The following GARNL3 variants were observed in gnomAD, a reference collection of about 807,000 sequenced individuals.
The protein encoded by GARNL3 is GTPase-activating Rap/Ran-GAP domain-like protein 3.
In GARNL3, 63 loss-of-function variants were observed where a neutral mutation model predicts 125.0. The observed-to-expected ratio is 0.50, with a 90% confidence interval of 0.41 to 0.62. The LOEUF (loss-of-function observed/expected upper bound fraction) is 0.62, where lower values mean the gene tolerates loss of function less well. Among genes scored for constraint, GARNL3 ranks in the 20% least tolerant of loss-of-function variants. The probability of loss-of-function intolerance (pLI) is 0.00; values close to 1 mark genes in which losing one functional copy is unlikely to be tolerated. For synonymous variants in GARNL3, 439 were observed against 457.5 expected (o/e 0.96, Z 0.52); for missense variants, 994 against 1,244.0 (o/e 0.80, Z 3.02).
At chr9:127,329,645 A>G (rs547628753) in intron 7 of GARNL3, among the ~76,000 whole-genome samples, 45 of 152,170 alleles carry the variant, frequency 3.0e-4, no homozygotes, top group Non-Finnish European at 5.3e-4. Context: ...ATCAGGTGGT[A>G]GTAGGCCCCA....
At chr9:127,279,291 G>T (rs1274843841) in intron 1 of GARNL3, among the ~76,000 whole-genome samples, 3 of 151,128 alleles carry the variant, frequency 2.0e-5, no homozygotes, top group Non-Finnish European at 4.4e-5. Flanking sequence ...TGCACCTCTG[G>T]GATTCTTAGA....
intron 9 of GARNL3, among the ~76,000 whole-genome samples, chr9:127,333,603 T>C (rs889939385): frequency 3.9e-5 from 6 of 152,032 alleles, no homozygotes; most frequent in Non-Finnish European, 7.4e-5. Context: ...CTGAGCTTTT[T>C]TGAGGCCAGA....
At chr9:127,252,838 GT>G (rs1289957367) in intron 2 of GARNL3, among the ~76,000 whole-genome samples, 2 of 152,112 alleles carry the variant, frequency 1.3e-5, no homozygotes, top group African/African-American at 2.4e-5. Context: ...TAATGTTATG[GT>G]GTCAGTCAGT....
At chr9:127,289,811 C>T (rs563788950) in intron 1 of GARNL3, among the ~76,000 whole-genome samples, 1 of 152,344 alleles carries the variant, frequency 6.6e-6, no homozygotes, top group African/African-American at 2.4e-5. Context: ...ACTACACAGC[C>T]TCTTGGGCTC....
At chr9:127,245,861 T>C (rs2063292910) in intron 2 of GARNL3, among the ~76,000 whole-genome samples, 1 of 152,142 alleles carries the variant, frequency 6.6e-6, no homozygotes, top group East Asian at 1.9e-4. Flanking sequence ...CTTCGGTCTG[T>C]CTGGTCCAGT....
chr9:127,305,851 C>T (rs1182189899), intron 2 of GARNL3, among the ~76,000 whole-genome samples: 3 of 152,126 alleles, frequency 2.0e-5, no homozygotes, highest in East Asian at 1.9e-4. Flanking sequence ...CCTCCCAACT[C>T]GGCCTCTCAA....
In GARNL3 at chr9:127,313,494, G is replaced by A; in HGVS notation, c.373G>A (p.Val125Met). The change falls in exon 4 of 28, where the codon GTG becomes ATG. Residue 125 changes from valine to methionine, a missense_variant. Around this residue, in one of 5 missense-constraint regions of GARNL3, gnomAD observed 139 missense variants for 231.6 expected, o/e 0.60. Coordinates refer to ENST00000373387, the MANE Select transcript of GARNL3 (RefSeq NM_032293.5). ...DAEKSPFFLS[V>M]TLSDQNNQRV... ...CGAGAAGAGCCCTTTCTTCTTGTCC[G>A]TGACCCTTTCTGACCAAAACAATCA... is the stretch of plus-strand genomic sequence containing the variant. 2 of 1,614,056 alleles carry A rather than the reference G, an allele frequency of 1.2e-6. No individual in the cohort carries two copies. The highest frequency in any genetic ancestry group is 1.7e-6 in the Non-Finnish European group (2 of 1,179,948).
chr9:127,301,203 T>A (rs2064775175), intron 2 of GARNL3, among the ~76,000 whole-genome samples: 1 of 152,190 alleles, frequency 6.6e-6, no homozygotes, highest in African/African-American at 2.4e-5. Context: ...TGTGAGGTTG[T>A]TATTGAACCT....
chr9:127,252,620 G>A (rs944755415), intron 2 of GARNL3, among the ~76,000 whole-genome samples: 3 of 152,126 alleles, frequency 2.0e-5, no homozygotes, highest in African/African-American at 7.2e-5. Flanking sequence ...ACTCAGACAC[G>A]GCTAAGTAGA....
At chr9:127,319,190 T>C (rs919673263) in intron 5 of GARNL3, among the ~76,000 whole-genome samples, 2 of 152,128 alleles carry the variant, frequency 1.3e-5, no homozygotes, top group African/African-American at 2.4e-5. Context: ...TCTGGCTGAC[T>C]GAAAGGCACC....
chr9:127,359,275 A>C (rs970427246), intron 21 of GARNL3, among the ~76,000 whole-genome samples: 1 of 152,180 alleles, frequency 6.6e-6, no homozygotes, highest in African/African-American at 2.4e-5. Flanking sequence ...GGATCACCTG[A>C]GGTCAGGAGT....
intron 5 of GARNL3, among the ~76,000 whole-genome samples, chr9:127,319,949 G>A (rs954153413): frequency 5.3e-5 from 8 of 152,184 alleles, no homozygotes; most frequent in African/African-American, 1.9e-4. Context: ...TACAGTTGCT[G>A]CCAGCAGAGA....
At chr9:127,285,221 C>G (rs767699409) in intron 1 of GARNL3, among the ~76,000 whole-genome samples, 1 of 152,134 alleles carries the variant, frequency 6.6e-6, no homozygotes, top group Admixed American at 6.5e-5. Flanking sequence ...CACCTGAGGT[C>G]GGGAGTTTGA....
At chr9:127,336,846 C>T (rs1280492900) in intron 11 of GARNL3, among the ~76,000 whole-genome samples, 1 of 152,174 alleles carries the variant, frequency 6.6e-6, no homozygotes, top group Non-Finnish European at 1.5e-5. Flanking sequence ...CAGTTGTGGC[C>T]CTGTTGCTCT....
intron 1 of GARNL3, chr9:127,225,401 A>T: frequency 2.0e-6 from 2 of 982,624 alleles, no homozygotes; most frequent in Non-Finnish European, 2.4e-6. Flanking sequence ...TCGAGAGCCC[A>T]AGGTACTGCG....
chr9:127,252,415 A>G (rs141062656), intron 2 of GARNL3, among the ~76,000 whole-genome samples: 2 of 152,286 alleles, frequency 1.3e-5, no homozygotes, highest in Admixed American at 1.3e-4. Flanking sequence ...TCAAATATTT[A>G]TTGTGTAAGC....
Position 127,387,405 on chromosome 9 carries a change from T to A in GARNL3, c.2527+74T>A, listed in dbSNP as rs1013697837. 8.8e-5 allele frequency: 115 copies of A among 1,307,364 alleles called. 2 individuals are homozygous for A. The highest frequency in any genetic ancestry group is 3.3e-4 in the South Asian group (24 of 71,906). The allele number at this position is 1,307,364 out of a possible 1,614,324, so 81.0% of individuals were successfully genotyped here. A position where few individuals can be genotyped will look rare whatever the true frequency, so the allele number is the denominator to read the frequency against. On this transcript the variant is annotated intron_variant, in intron 25 of 27. Coordinates refer to ENST00000373387, the MANE Select transcript of GARNL3 (RefSeq NM_032293.5). ...TTTCTCTAGTTTGTTGTCTAATATCTACATGTGATTACTGTTTAAAGAAGT... is the reference window on the plus strand; with the variant it reads ...TTTCTCTAGTTTGTTGTCTAATATCAACATGTGATTACTGTTTAAAGAAGT...
intron 26 of GARNL3, 82 bp downstream of exon 26, chr9:127,389,201 C>T: frequency 9.8e-7 from 1 of 1,015,466 alleles, no homozygotes; most frequent in African/African-American, 1.6e-5. Context: ...TCCTCAGAAA[C>T]AATGAGTTTA....
chr9:127,271,496 G>T (rs574536051), intron 1 of GARNL3, among the ~76,000 whole-genome samples: 2 of 150,458 alleles, frequency 1.3e-5, no homozygotes, highest in South Asian at 4.2e-4. Context: ...TTAGCTGGCA[G>T]TGCATTTCAT....
Sources: allele counts gnomAD v4.1 joint callset (sites outside exome capture counted in the v4.1 genomes callset), GRCh38; gene constraint gnomAD v4.1.1; regional missense constraint gnomAD v4.1.1; transcripts MANE v1.5; gene names NCBI Gene and HGNC (gene_info 2026-07-23, HGNC 2026-07-21).